MNAT1: variants seen among roughly 807,000 people sequenced by gnomAD.
MNAT1 encodes MNAT1 component of CDK activating kinase.
Under a neutral mutation model 42.0 loss-of-function variants are expected in MNAT1, and 43 were observed. That is an observed-to-expected ratio of 1.02 (90% CI 0.80 to 1.32). MNAT1 has a LOEUF of 1.32. Among genes scored for constraint, MNAT1 ranks in the 40% most tolerant of loss-of-function variants. The pLI is 0.00. For synonymous variants in MNAT1, 118 were observed against 120.0 expected (o/e 0.98, Z 0.11); for missense variants, 306 against 350.4 (o/e 0.87, Z 1.01).
chr14:60,842,817 A>G (rs529305360), intron 6 of MNAT1, among the ~76,000 whole-genome samples: 1 of 152,342 alleles, frequency 6.6e-6, no homozygotes, highest in South Asian at 2.1e-4. Flanking sequence ...CCTGCTGAAC[A>G]TCATAATTTA....
intron 7 of MNAT1, among the ~76,000 whole-genome samples, chr14:60,886,119 T>C (rs949132393): frequency 6.6e-6 from 1 of 152,112 alleles, no homozygotes; most frequent in Non-Finnish European, 1.5e-5. Flanking sequence ...AATGTGTATA[T>C]GTTTGTTTTT....
chr14:60,793,097 C>T (rs1246710880), intron 1 of MNAT1, among the ~76,000 whole-genome samples: 1 of 151,996 alleles, frequency 6.6e-6, no homozygotes, highest in Admixed American at 6.6e-5. Context: ...CAGCACACTG[C>T]AGCCTCCTGA....
intron 7 of MNAT1, among the ~76,000 whole-genome samples, chr14:60,882,715 T>C (rs1364224618): frequency 6.6e-6 from 1 of 152,082 alleles, no homozygotes; most frequent in East Asian, 1.9e-4. Context: ...TACAAGATTT[T>C]CTTTTTTCCA....
intron 7 of MNAT1, among the ~76,000 whole-genome samples, chr14:60,940,489 C>G (rs1343102408): frequency 6.6e-6 from 1 of 152,208 alleles, no homozygotes; most frequent in Non-Finnish European, 1.5e-5. Flanking sequence ...ACGATCTTGG[C>G]TCACTGCAAG....
chr14:60,885,047 G>C (rs2034633322), intron 7 of MNAT1, among the ~76,000 whole-genome samples: 1 of 151,864 alleles, frequency 6.6e-6, no homozygotes, highest in Non-Finnish European at 1.5e-5. Context: ...AGAGTTCGCT[G>C]CCAGACATAT....
At chr14:60,929,169 AAAT>A (rs1385024272) in intron 7 of MNAT1, among the ~76,000 whole-genome samples, 5 of 101,874 alleles carry the variant, frequency 4.9e-5, no homozygotes, top group African/African-American at 2.0e-4. Flanking sequence ...AAAAAAAAAA[AAAT>A]ATATATATAT....
At chr14:60,737,577 T>G (rs1337471781) in intron 1 of MNAT1, among the ~76,000 whole-genome samples, 2 of 152,110 alleles carry the variant, frequency 1.3e-5, no homozygotes, top group East Asian at 3.8e-4. Flanking sequence ...GGAGTAAGCA[T>G]CCATAAATAT....
chr14:60,923,707 G>A (rs937976110), intron 7 of MNAT1, among the ~76,000 whole-genome samples: 8 of 152,070 alleles, frequency 5.3e-5, no homozygotes, highest in African/African-American at 1.4e-4. Flanking sequence ...GGCATGGCAC[G>A]GTGGCTCACG....
chr14:60,887,932 G>T (rs950493663), intron 7 of MNAT1, among the ~76,000 whole-genome samples: 1 of 150,758 alleles, frequency 6.6e-6, no homozygotes, highest in Non-Finnish European at 1.5e-5. Flanking sequence ...CCAATAACAG[G>T]CTCTGAAATT....
chr14:60,736,123 A>G (rs1350296256), intron 1 of MNAT1, among the ~76,000 whole-genome samples: 1 of 152,214 alleles, frequency 6.6e-6, no homozygotes, highest in African/African-American at 2.4e-5. Flanking sequence ...TAGAGCTGTG[A>G]TTGAATGATT....
At chr14:60,964,998 T>G (rs1158733682) in intron 7 of MNAT1, among the ~76,000 whole-genome samples, 1 of 152,220 alleles carries the variant, frequency 6.6e-6, no homozygotes, top group East Asian at 1.9e-4. Flanking sequence ...TTTATTGGCA[T>G]TAATGTAGGT....
chr14:60,870,947 T>C (rs1333023250), intron 6 of MNAT1, among the ~76,000 whole-genome samples: 1 of 152,206 alleles, frequency 6.6e-6, no homozygotes, highest in Non-Finnish European at 1.5e-5. Flanking sequence ...TTTCTGTCTC[T>C]GTAATTTTGC....
intron 7 of MNAT1, among the ~76,000 whole-genome samples, chr14:60,913,088 G>A (rs1208942270): frequency 1.3e-5 from 2 of 151,924 alleles, no homozygotes; most frequent in Non-Finnish European, 2.9e-5. Context: ...ATCTTCCACC[G>A]CTGATACCCT....
intron 7 of MNAT1, among the ~76,000 whole-genome samples, chr14:60,944,281 T>C (rs2036231606): frequency 6.6e-6 from 1 of 152,204 alleles, no homozygotes; most frequent in Admixed American, 6.5e-5. Context: ...TCCTTTTGTA[T>C]GGAAGTGATA....
At chr14:60,774,588 A>G (rs184241053) in intron 1 of MNAT1, among the ~76,000 whole-genome samples, 144 of 152,320 alleles carry the variant, frequency 9.5e-4, no homozygotes, top group African/African-American at 3.2e-3. Flanking sequence ...AGTGTTGGGG[A>G]TAAGTAGTCG....
intron 3 of MNAT1, 83 bp from the exon 4 acceptor site, chr14:60,808,242 T>C: frequency 1.3e-6 from 1 of 763,220 alleles, no homozygotes. Flanking sequence ...AACAAATGAG[T>C]CACTGTGGTA....
chr14:60,808,931 A>G (rs2032460118), intron 4 of MNAT1: 1 of 152,198 alleles, frequency 6.6e-6, no homozygotes, highest in South Asian at 2.1e-4. Flanking sequence ...TGGTTTCTCA[A>G]TTAGTTACCT....
At chr14:60,961,727 TA>T (rs1223062100) in intron 7 of MNAT1, among the ~76,000 whole-genome samples, 2 of 152,194 alleles carry the variant, frequency 1.3e-5, no homozygotes, top group Non-Finnish European at 2.9e-5. Flanking sequence ...ACCTGGCAAA[TA>T]GTAGGCTCTC....
chr14:60,841,695 G>A (rs1375200472), intron 6 of MNAT1, among the ~76,000 whole-genome samples: 8 of 152,060 alleles, frequency 5.3e-5, no homozygotes, highest in South Asian at 4.1e-4. Context: ...GTAATTTTTG[G>A]TATTCCATTA....
Sources: allele counts gnomAD v4.1 joint callset (sites outside exome capture counted in the v4.1 genomes callset), GRCh38; gene constraint gnomAD v4.1.1; transcripts MANE v1.5; gene names NCBI Gene and HGNC (gene_info 2026-07-23, HGNC 2026-07-21).